The following SYNE3 variants were observed in gnomAD, a reference collection of about 807,000 sequenced individuals.
SYNE3 encodes spectrin repeat containing nuclear envelope family member 3, also known as nesprin-3.
In SYNE3, 100 loss-of-function variants were observed where a neutral mutation model predicts 111.2. The ratio of observed to expected loss-of-function variants is 0.90; its 90% CI spans 0.77 to 1.06. The LOEUF is 1.06. Among genes scored for constraint, SYNE3 ranks in the 50% least tolerant of loss-of-function variants. The probability of loss-of-function intolerance (pLI) is 0.00; values close to 1 mark genes in which losing one functional copy is unlikely to be tolerated. For missense variants in SYNE3, 1,160 were observed against 1,240.3 expected (o/e 0.94, Z 0.97); for synonymous variants, 547 against 533.9 (o/e 1.02, Z -0.34).
chr14:95,465,943 CT>C lies in SYNE3; in HGVS notation c.614del (p.Lys205ArgfsTer8). 1 of 1,577,582 alleles carries C rather than the reference CT, an allele frequency of 6.3e-7. No homozygotes were observed. The highest frequency in any genetic ancestry group is 8.7e-7 in the Non-Finnish European group (1 of 1,152,312). ...KRMKAEYDAV[K>X]AKAQKRVDLL... is the part of the protein sequence containing the mutation. The stretch of plus-strand genomic sequence containing the variant: ...GCCTCACCCTCACCTGGGCCTTGGC[CT>C]TCACTGCATCGTACTCAGCCTTCAT... On this transcript the variant is annotated frameshift_variant, in exon 4 of 18. Coordinates refer to ENST00000682763, the MANE Select transcript of SYNE3 (RefSeq NM_152592.6). LOFTEE classifies it high-confidence loss of function.
At chr14:95,432,525 C>T (rs890332979) in intron 16 of SYNE3, among the ~76,000 whole-genome samples, 12 of 152,270 alleles carry the variant, frequency 7.9e-5, no homozygotes, top group African/African-American at 2.4e-4. Context: ...ACTTAATGTC[C>T]GTGCCTCAGT....
rs1888142655 is a variant in SYNE3, at chr14:95,466,012, G to T, written c.546C>A (p.Asn182Lys). The T allele has an allele frequency of 6.2e-7, 1 of 1,611,850 alleles. No individual in the cohort carries two copies. Among genetic ancestry groups the T allele is most frequent in the Admixed American group, 1.7e-5 (1 of 59,964 alleles). ...CGTCCACGCTGGGGTCCCCGATCCT[G>T]TTGAACAGGGAGGCTGCCTCCTCCA... ...RLLEEAASLF[N>K]RIGDPSVDED... Residue 182 changes from asparagine to lysine, a missense_variant, in exon 4 of 18, where the codon AAC (asparagine) becomes AAA (lysine). Asn to Lys is a moderately conservative substitution (Grantham distance 94, BLOSUM62 0). Coordinates refer to ENST00000682763, the MANE Select transcript of SYNE3 (RefSeq NM_152592.6).
intron 1 of SYNE3, among the ~76,000 whole-genome samples, chr14:95,477,543 C>T (rs1415584574): frequency 6.6e-6 from 1 of 152,172 alleles, no homozygotes; most frequent in Admixed American, 6.5e-5. Context: ...AGCTGGGCAC[C>T]ATCCCCAGGC....
chr14:95,416,252 T>A lies in SYNE3; in HGVS notation c.*1574A>T, dbSNP rs1903578647. ...GTGAAAGGCAAAGGGTCAGTGTGTG[T>A]GAGACAGCAATGGTGCTGGGTATCA... On this transcript the variant is annotated 3_prime_UTR_variant, in exon 18 of 18. Coordinates refer to ENST00000682763, the MANE Select transcript of SYNE3 (RefSeq NM_152592.6). The A allele has an allele frequency of 1.3e-5, 2 of 152,128 alleles. No individual in the cohort carries two copies. The highest frequency in any genetic ancestry group is 6.5e-5 in the Admixed American group (1 of 15,278). 9.4% of individuals were successfully genotyped at this position (152,128 alleles called of 1,614,324 possible). A position where few individuals can be genotyped will look rare whatever the true frequency, so the allele number is the denominator to read the frequency against.
chr14:95,469,054 C>T (rs1010739908), intron 2 of SYNE3, among the ~76,000 whole-genome samples: 1 of 152,208 alleles, frequency 6.6e-6, no homozygotes, highest in Non-Finnish European at 1.5e-5. Context: ...GCCCAGCCCA[C>T]ACCGCAACCC....
At chr14:95,454,671 G>A (rs563600909) in intron 6 of SYNE3, among the ~76,000 whole-genome samples, 2 of 152,250 alleles carry the variant, frequency 1.3e-5, no homozygotes, top group Non-Finnish European at 2.9e-5. Flanking sequence ...GCAGAGATTA[G>A]AAGGAAGAGA....
At chr14:95,488,399 T>G (rs78230706) in intron 1 of SYNE3, among the ~76,000 whole-genome samples, 2 of 152,340 alleles carry the variant, frequency 1.3e-5, no homozygotes, top group South Asian at 4.1e-4. Flanking sequence ...CCACAGATTG[T>G]GGATTCATGC....
Position 95,409,323 on chromosome 14 carries a change from T to G in SYNE3, c.*8503A>C, listed in dbSNP as rs1183290950. 1 of 456,718 alleles carries G rather than the reference T, an allele frequency of 2.2e-6. No homozygotes were observed. Among genetic ancestry groups the G allele is most frequent in the South Asian group, 1.5e-5 (1 of 64,568 alleles). The allele number at this position is 456,718 out of a possible 1,614,324, so 28.3% of individuals were successfully genotyped here. On this transcript the variant is annotated 3_prime_UTR_variant, in exon 18 of 18. Coordinates refer to ENST00000682763, the MANE Select transcript of SYNE3 (RefSeq NM_152592.6). ...AGTGTCATGACCATATTGCAGGCGCTCGGGGTATGTTTTCTTCCCTCCCTT... is the reference window on the plus strand; with the variant it reads ...AGTGTCATGACCATATTGCAGGCGCGCGGGGTATGTTTTCTTCCCTCCCTT...
intron 1 of SYNE3, among the ~76,000 whole-genome samples, chr14:95,492,592 T>C (rs1889901613): frequency 6.6e-6 from 1 of 152,146 alleles, no homozygotes; most frequent in Non-Finnish European, 1.5e-5. Context: ...AGTAGATTAG[T>C]GGTTTCCTAG....
intron 6 of SYNE3, among the ~76,000 whole-genome samples, chr14:95,452,955 A>G (rs1412781198): frequency 1.3e-5 from 2 of 152,130 alleles, no homozygotes; most frequent in Admixed American, 1.3e-4. Context: ...TCACTTCAAC[A>G]TGTGCAAACA....
rs55687636 is a variant in SYNE3, at chr14:95,444,996, G to A, written c.1633-368C>T. 2.3e-3 allele frequency among the ~76,000 whole-genome samples: 351 copies of A among 152,354 alleles called. 1 individual carries two copies. Among genetic ancestry groups the A allele is most frequent in the Non-Finnish European group, 4.4e-3 (297 of 68,028 alleles). On this transcript the variant is annotated intron_variant, in intron 9 of 17. Coordinates refer to ENST00000682763, the MANE Select transcript of SYNE3 (RefSeq NM_152592.6). ...TGAGGAGCTGCGACAGCGACTGCCT[G>A]CCCTGCAGACTCTAAAACCTTCACT...
In SYNE3 at chr14:95,433,426, C is replaced by G. The variant is rs754346632; in HGVS notation, c.2539-17G>C. The G allele has an allele frequency of 1.2e-6, 2 of 1,612,676 alleles. No individual in the cohort carries two copies. The highest frequency in any genetic ancestry group is 2.2e-5 in the South Asian group (2 of 90,902). On this transcript the variant is annotated splice_polypyrimidine_tract_variant and intron_variant, in intron 15 of 17. Transcript: ENST00000682763. ...CTCCAGCTCCTGGGGGAAACAGCAG[C>G]GTCATGGTGCGGCTTCCAAATGGCC...
chr14:95,490,286 G>A (rs1317986074), intron 1 of SYNE3, among the ~76,000 whole-genome samples: 1 of 152,222 alleles, frequency 6.6e-6, no homozygotes, highest in Non-Finnish European at 1.5e-5. Context: ...AATAGCCATG[G>A]GCTATAACCG....
intron 1 of SYNE3, among the ~76,000 whole-genome samples, chr14:95,512,695 A>C (rs556389568): frequency 9.8e-4 from 149 of 151,754 alleles, no homozygotes; most frequent in Non-Finnish European, 1.7e-3. Flanking sequence ...TACTAAAAAA[A>C]AAAATACAAA....
rs778095843 is a variant in SYNE3 at position 95,466,021 on chromosome 14, G to T, written c.537C>A (p.Ser179=). Reference sequence around the variant, plus strand: ...TGGGGTCCCCGATCCTGTTGAACAGGGAGGCTGCCTCCTCCAGCAGCCGGT... The same window carrying T: ...TGGGGTCCCCGATCCTGTTGAACAGTGAGGCTGCCTCCTCCAGCAGCCGGT... ...LLDRLLEEAA[S]LFNRIGDPSV... Residue 179 remains serine, a synonymous_variant, in exon 4 of 18, where the codon TCC becomes TCA. Transcript: ENST00000682763. 2 of 1,612,162 alleles carry T rather than the reference G, an allele frequency of 1.2e-6. No homozygotes were observed. Among genetic ancestry groups the T allele is most frequent in the African/African-American group, 2.7e-5 (2 of 74,854 alleles).
In SYNE3 at chr14:95,426,805, G is replaced by A. The variant is rs187698242; in HGVS notation, c.2727+5274C>T. On this transcript the variant is annotated intron_variant, in intron 17 of 17. Transcript: ENST00000682763. ...AAATACAAAAAAAAATTAGCCAGGC[G>A]TGGTGGCAGGCGCCTGTAGTCCCAG... is the stretch of plus-strand genomic sequence containing the variant. 7.8e-4 allele frequency among the ~76,000 whole-genome samples: 119 copies of A among 151,708 alleles called. 2 individuals carry two copies. The East Asian group carries it at 0.019, about 25-fold the overall frequency.
Position 95,415,644 on chromosome 14 carries a change from G to T in SYNE3, c.*2182C>A, listed in dbSNP as rs1326998858. On this transcript the variant is annotated 3_prime_UTR_variant, in exon 18 of 18. Coordinates refer to ENST00000682763, the MANE Select transcript of SYNE3 (RefSeq NM_152592.6). ...TACAGGGCTTGTTTTCCAAAGAAAA[G>T]TGTTGTTTGGAGGAGCATAATTATA... The T allele has an allele frequency of 6.6e-6, 1 of 150,742 alleles. No individual in the cohort carries two copies. Among genetic ancestry groups the T allele is most frequent in the Non-Finnish European group, 1.5e-5 (1 of 67,894 alleles). 9.3% of individuals were successfully genotyped at this position (150,742 alleles called of 1,614,324 possible).
chr14:95,489,477 G>A (rs1889730663), intron 1 of SYNE3, among the ~76,000 whole-genome samples: 1 of 152,234 alleles, frequency 6.6e-6, no homozygotes, highest in Admixed American at 6.5e-5. Context: ...CACAGCCCTT[G>A]CCTATTTTGA....
intron 17 of SYNE3, among the ~76,000 whole-genome samples, chr14:95,421,368 G>C (rs934137567): frequency 6.6e-6 from 1 of 152,112 alleles, no homozygotes; most frequent in Non-Finnish European, 1.5e-5. Context: ...TCTGGGGATC[G>C]CAGGCTAGAG....
Sources: allele counts gnomAD v4.1 joint callset (sites outside exome capture counted in the v4.1 genomes callset), GRCh38; gene constraint gnomAD v4.1.1; transcripts MANE v1.5; gene names NCBI Gene and HGNC (gene_info 2026-07-23, HGNC 2026-07-21).